Variants in ZNF804B observed in about 807,000 individuals in gnomAD.
The protein encoded by ZNF804B is zinc finger protein 804B.
Under a neutral mutation model 101.4 loss-of-function variants are expected in ZNF804B, and 80 were observed. The observed-to-expected ratio is 0.79, with a 90% CI of 0.66 to 0.95. The LOEUF (loss-of-function observed/expected upper bound fraction) is 0.95, where lower values mean the gene tolerates loss of function less well. Among genes scored for constraint, ZNF804B ranks in the 40% least tolerant of loss-of-function variants. The pLI is 0.00. For missense variants in ZNF804B, 1,673 were observed against 1,561.9 expected, an observed-to-expected ratio of 1.07 and a Z score of -1.20; for synonymous variants, 622 against 558.8, an observed-to-expected ratio of 1.11 and a Z score of -1.59.
chr7:88,875,775 A>C (rs1791927420), intron 1 of ZNF804B, among the ~76,000 whole-genome samples: 1 of 152,194 alleles, frequency 6.6e-6, no homozygotes, highest in Non-Finnish European at 1.5e-5. Context: ...ATTCCAATCA[A>C]TAGAAAAAGA....
rs563581964 is a variant in ZNF804B, at chr7:88,975,120, A to G, written c.108+215036A>G. ...GCAGATGACAGAATGGCATTTTTTTATAGCTGAATAGTACTCCATTGGGCA... is the reference window on the plus strand; with the variant it reads ...GCAGATGACAGAATGGCATTTTTTTGTAGCTGAATAGTACTCCATTGGGCA... On this transcript the variant is annotated intron_variant, in intron 1 of 3. Transcript: ENST00000333190. 2.6e-5 allele frequency among the ~76,000 whole-genome samples: 4 copies of G among 151,514 alleles called. No homozygotes were observed. In the South Asian group the frequency reaches 6.2e-4, roughly 24 times the overall value.
chr7:89,227,470 G>A lies in ZNF804B; in HGVS notation c.249+9175G>A, dbSNP rs1209367105. On this transcript the variant is annotated intron_variant, in intron 2 of 3. Coordinates refer to ENST00000333190, the MANE Select transcript of ZNF804B (RefSeq NM_181646.5). Reference sequence around the variant, plus strand: ...AGACAATCATCTCCATCCTCATGGAGCTAACATTATAGAGAGTGTATAAAA... The same window carrying A: ...AGACAATCATCTCCATCCTCATGGAACTAACATTATAGAGAGTGTATAAAA... Among the ~76,000 whole-genome samples the A allele has an allele frequency of 2.0e-5, 3 of 152,070 alleles. No individual in the cohort carries two copies. The East Asian group carries it at 5.8e-4, about 29-fold the overall frequency.
At chr7:89,188,064 T>C (rs565417604) in intron 1 of ZNF804B, among the ~76,000 whole-genome samples, 112 of 152,160 alleles carry the variant, frequency 7.4e-4, no homozygotes, top group Admixed American at 1.3e-3. Context: ...CTGCATTTTT[T>C]TTCTTTTTTT....
intron 1 of ZNF804B, among the ~76,000 whole-genome samples, chr7:89,060,628 T>C (rs574086504): frequency 6.6e-6 from 1 of 152,284 alleles, no homozygotes; most frequent in East Asian, 1.9e-4. Context: ...TAATCATATA[T>C]TAATTCTACT....
At chr7:89,184,197 G>T (rs1788341044) in intron 1 of ZNF804B, among the ~76,000 whole-genome samples, 1 of 152,106 alleles carries the variant, frequency 6.6e-6, no homozygotes, top group Non-Finnish European at 1.5e-5. Context: ...GGAGTGGTAG[G>T]ACTGCAATCT....
At chr7:88,903,163 A>G (rs1449086946) in intron 1 of ZNF804B, among the ~76,000 whole-genome samples, 4 of 149,840 alleles carry the variant, frequency 2.7e-5, no homozygotes, top group Admixed American at 6.7e-5. Flanking sequence ...CATGTGCTCA[A>G]TGTTGCTCCC....
At chr7:89,200,491 T>C (rs1416522908) in intron 1 of ZNF804B, among the ~76,000 whole-genome samples, 1 of 151,980 alleles carries the variant, frequency 6.6e-6, no homozygotes, top group East Asian at 1.9e-4. Context: ...GACAAACTTC[T>C]TACCAAGGAG....
intron 1 of ZNF804B, among the ~76,000 whole-genome samples, chr7:88,968,299 C>T (rs771827522): frequency 2.1e-4 from 32 of 151,484 alleles, no homozygotes; most frequent in Non-Finnish European, 3.0e-5. Context: ...TTCGGATGGG[C>T]AGAAATTAGT....
intron 2 of ZNF804B, among the ~76,000 whole-genome samples, chr7:89,259,476 T>C (rs1789680384): frequency 1.3e-5 from 2 of 152,246 alleles, no homozygotes; most frequent in South Asian, 4.1e-4. Context: ...GCTTTTTCTA[T>C]AACAATGATG....
At chr7:89,249,184 C>T (rs112350773) in intron 2 of ZNF804B, among the ~76,000 whole-genome samples, 1 of 152,074 alleles carries the variant, frequency 6.6e-6, no homozygotes, top group Non-Finnish European at 1.5e-5. Flanking sequence ...ATGTAGATAG[C>T]CACACAATAA....
chr7:89,083,136 A>G (rs772613757), intron 1 of ZNF804B, among the ~76,000 whole-genome samples: 51 of 151,886 alleles, frequency 3.4e-4, no homozygotes, highest in Admixed American at 1.1e-3. Context: ...TACAGCAAAG[A>G]AGACTTTAAA....
intron 2 of ZNF804B, among the ~76,000 whole-genome samples, chr7:89,258,266 A>G (rs1451388462): frequency 6.6e-6 from 1 of 152,084 alleles, no homozygotes; most frequent in Admixed American, 6.6e-5. Flanking sequence ...GCATCTGCAG[A>G]TTTTGGTAAC....
intron 1 of ZNF804B, among the ~76,000 whole-genome samples, chr7:88,918,943 A>C (rs1401152890): frequency 6.6e-6 from 1 of 152,128 alleles, no homozygotes; most frequent in African/African-American, 2.4e-5. Context: ...TCATCAGCAA[A>C]AGACAAGAAA....
At chr7:89,197,128 A>T (rs749126640) in intron 1 of ZNF804B, among the ~76,000 whole-genome samples, 3 of 152,012 alleles carry the variant, frequency 2.0e-5, no homozygotes, top group Non-Finnish European at 4.4e-5. Context: ...TGATGGGATG[A>T]TTTGTGCAGC....
At position 89,205,326 on chromosome 7, in the gene ZNF804B, T is replaced by C. The variant is rs1008721852; in HGVS notation, c.109-12829T>C. On this transcript the variant is annotated intron_variant, in intron 1 of 3. Transcript: ENST00000333190. ...TCACATTTCAAAACCAATTATGCCTTCCACTGCCCCTCAAAGTCTTAACTC... is the reference window on the plus strand; with the variant it reads ...TCACATTTCAAAACCAATTATGCCTCCCACTGCCCCTCAAAGTCTTAACTC... Among the ~76,000 whole-genome samples the C allele has an allele frequency of 5.8e-4, 89 of 152,212 alleles. 1 individual carries two copies. The highest frequency in any genetic ancestry group is 2.0e-3 in the African/African-American group (84 of 41,530).
intron 1 of ZNF804B, among the ~76,000 whole-genome samples, chr7:89,216,233 G>A (rs1584060518): frequency 6.6e-6 from 1 of 152,262 alleles, no homozygotes; most frequent in African/African-American, 2.4e-5. Context: ...CTTGAACTCC[G>A]GGAGGGGGAG....
intron 1 of ZNF804B, among the ~76,000 whole-genome samples, chr7:89,173,360 A>G (rs992097101): frequency 6.6e-6 from 1 of 151,898 alleles, no homozygotes; most frequent in African/African-American, 2.4e-5. Context: ...ATTATTTTAG[A>G]TTTTAGAATA....
chr7:89,133,351 TAGAGCCC>T (rs1346891441), intron 1 of ZNF804B, among the ~76,000 whole-genome samples: 4 of 152,070 alleles, frequency 2.6e-5, no homozygotes, highest in Non-Finnish European at 5.9e-5. Context: ...CTCTTGTTTG[TAGAGCCC>T]ACCTGACTAA....
chr7:89,170,494 T>G (rs1791206843), intron 1 of ZNF804B, among the ~76,000 whole-genome samples: 1 of 152,198 alleles, frequency 6.6e-6, no homozygotes, highest in Non-Finnish European at 1.5e-5. Flanking sequence ...AGTTTATATC[T>G]GGAGTGAGCT....
Sources: allele counts gnomAD v4.1 joint callset (sites outside exome capture counted in the v4.1 genomes callset), GRCh38; gene constraint gnomAD v4.1.1; transcripts MANE v1.5; gene names NCBI Gene and HGNC (gene_info 2026-07-23, HGNC 2026-07-21).